The following NEDD4L variants were observed in gnomAD, a reference collection of about 807,000 sequenced individuals.
NEDD4L encodes the protein NEDD4 like E3 ubiquitin protein ligase.
In NEDD4L, 54 loss-of-function variants were observed where a neutral mutation model predicts 148.9. The ratio of observed to expected loss-of-function variants is 0.36; its 90% CI spans 0.29 to 0.45. The LOEUF (loss-of-function observed/expected upper bound fraction) is 0.45, where lower values mean the gene tolerates loss of function less well. Ranked by LOEUF, NEDD4L falls within the 20% of genes least tolerant of loss-of-function variation. The pLI, the probability that NEDD4L is intolerant of heterozygous loss-of-function variation, is 1.00. For missense variants in NEDD4L, 856 were observed against 1,233.8 expected, an observed-to-expected ratio of 0.69 and a Z score of 4.59; for synonymous variants, 433 against 440.7, an observed-to-expected ratio of 0.98 and a Z score of 0.22.
intron 27 of NEDD4L, 164 bp downstream of exon 27, chr18:58,387,662 C>A: frequency 1.3e-6 from 1 of 787,594 alleles, no homozygotes; most frequent in South Asian, 2.3e-5. Context: ...CAATGTGGTT[C>A]TATTACATGT....
chr18:58,223,300 C>T (rs7228701), intron 2 of NEDD4L, among the ~76,000 whole-genome samples: 13,661 of 151,964 alleles, frequency 0.09, 1,889 homozygotes, highest in African/African-American at 0.3. Flanking sequence ...TGATTTAAAA[C>T]GACACATTTG....
intron 1 of NEDD4L, among the ~76,000 whole-genome samples, chr18:58,077,104 G>A (rs2083205045): frequency 7.0e-6 from 1 of 143,768 alleles, no homozygotes; most frequent in Admixed American, 7.1e-5. Context: ...GCCCGCCTCA[G>A]CCTCCCAAAG....
At chr18:58,176,579 C>G (rs917922017) in intron 2 of NEDD4L, among the ~76,000 whole-genome samples, 1 of 152,200 alleles carries the variant, frequency 6.6e-6, no homozygotes, top group African/African-American at 2.4e-5. Context: ...AAGTGACCCT[C>G]CCGCCTTGGC....
chr18:58,172,494 A>G (rs887644574), intron 2 of NEDD4L, among the ~76,000 whole-genome samples: 5 of 152,234 alleles, frequency 3.3e-5, no homozygotes, highest in African/African-American at 4.8e-5. Flanking sequence ...AACTGTTTAC[A>G]TGGGAGCTCG....
chr18:58,324,596 G>A (rs72946450), intron 8 of NEDD4L, among the ~76,000 whole-genome samples: 5,324 of 152,288 alleles, frequency 0.035, 156 homozygotes, highest in Non-Finnish European at 0.051. Flanking sequence ...TGAAAAGATG[G>A]CAGCTGTACT....
At chr18:58,391,599 A>G in intron 30 of NEDD4L, 40 bp downstream of exon 30, 1 of 1,407,064 alleles carries the variant, frequency 7.1e-7, no homozygotes. Flanking sequence ...GCAATATCTG[A>G]ACTGCTTAGC....
At chr18:58,087,396 C>T (rs1361703721) in intron 1 of NEDD4L, among the ~76,000 whole-genome samples, 5 of 152,312 alleles carry the variant, frequency 3.3e-5, no homozygotes, top group East Asian at 1.9e-4. Context: ...CAGGGGTTTT[C>T]GAACTCTCTT....
chr18:58,136,795 C>T (rs1158560554), intron 1 of NEDD4L, among the ~76,000 whole-genome samples: 11 of 152,064 alleles, frequency 7.2e-5, no homozygotes, highest in Admixed American at 6.5e-5. Flanking sequence ...TTTGTTTCAT[C>T]GATTCCTTTA....
chr18:58,096,130 C>T (rs564232569), intron 1 of NEDD4L, among the ~76,000 whole-genome samples: 1 of 152,120 alleles, frequency 6.6e-6, no homozygotes, highest in South Asian at 2.1e-4. Context: ...TCCTCATGAA[C>T]TCCTTGGTAG....
chr18:58,076,997 C>G (rs565417251), intron 1 of NEDD4L, among the ~76,000 whole-genome samples: 22 of 151,148 alleles, frequency 1.5e-4, no homozygotes, highest in African/African-American at 5.4e-4. Context: ...ACTACAGGTG[C>G]GCGCCACTAT....
chr18:58,367,601 C>T, intron 21 of NEDD4L, 145 bp from the exon 22 acceptor site: 3 of 780,004 alleles, frequency 3.8e-6, no homozygotes, highest in South Asian at 3.6e-5. Context: ...TGTGGTAAGT[C>T]AGGTCCTCTA....
At chr18:58,367,070 G>A (rs551749661) in intron 21 of NEDD4L, 1 of 152,408 alleles carries the variant, frequency 6.6e-6, no homozygotes, top group South Asian at 2.1e-4. Flanking sequence ...TGAAGGTGGA[G>A]GGCAGGGTGG....
At chr18:58,354,942 T>C (rs1048539807) in intron 18 of NEDD4L, among the ~76,000 whole-genome samples, 5 of 152,168 alleles carry the variant, frequency 3.3e-5, no homozygotes, top group Non-Finnish European at 7.4e-5. Context: ...TGTGTGAATA[T>C]GTGCAGATGC....
chr18:58,281,505 G>C (rs1195598908), intron 5 of NEDD4L, among the ~76,000 whole-genome samples: 1 of 151,878 alleles, frequency 6.6e-6, no homozygotes, highest in Non-Finnish European at 1.5e-5. Context: ...CTACCACATG[G>C]TCCCCTTCTT....
At chr18:58,376,706 A>T (rs1210750808) in intron 24 of NEDD4L, among the ~76,000 whole-genome samples, 1 of 152,172 alleles carries the variant, frequency 6.6e-6, no homozygotes, top group East Asian at 1.9e-4. Flanking sequence ...TTGGAATATA[A>T]AAATGAGCAT....
intron 2 of NEDD4L, chr18:58,195,640 C>A (rs757132785): frequency 3.0e-6 from 4 of 1,350,812 alleles, no homozygotes; most frequent in Non-Finnish European, 2.9e-6. Context: ...TCCTCGCCGC[C>A]GTTGCTGTTG....
At chr18:58,244,700 G>C (rs368523262) in intron 2 of NEDD4L, among the ~76,000 whole-genome samples, 3 of 151,316 alleles carry the variant, frequency 2.0e-5, no homozygotes, top group Non-Finnish European at 4.4e-5. Flanking sequence ...TCTTTTTTTT[G>C]GGGGGAGGGT....
chr18:58,317,485 G>A (rs1167413633), intron 6 of NEDD4L, among the ~76,000 whole-genome samples: 1 of 152,130 alleles, frequency 6.6e-6, no homozygotes, highest in South Asian at 2.1e-4. Flanking sequence ...ACCACATCTT[G>A]GCCAGGGGAA....
intron 25 of NEDD4L, among the ~76,000 whole-genome samples, chr18:58,383,944 G>A (rs1292474638): frequency 6.6e-6 from 1 of 152,186 alleles, no homozygotes. Context: ...TAGTGTATAT[G>A]TGTGCTTCAA....
Sources: gnomAD v4.1 joint callset for allele counts (sites outside exome capture counted in the v4.1 genomes callset) on GRCh38, gnomAD v4.1.1 for gene constraint, MANE v1.5 for transcripts, NCBI Gene and HGNC (gene_info 2026-07-23, HGNC 2026-07-21) for gene names.